Variants in DCST2 observed in about 807,000 individuals in gnomAD.
The protein encoded by DCST2 is DC-STAMP domain containing 2.
Under a neutral mutation model 81.8 loss-of-function variants are expected in DCST2, and 64 were observed. That is an observed-to-expected ratio of 0.78 (90% CI 0.64 to 0.96). DCST2 has a LOEUF of 0.96. DCST2 is among the 40% of genes least tolerant of loss of function. The pLI, the probability that DCST2 is intolerant of heterozygous loss-of-function variation, is 0.00. For missense variants in DCST2, 945 were observed against 1,001.4 expected (o/e 0.94, Z 0.76); for synonymous variants, 354 against 402.6 (o/e 0.88, Z 1.44).
chr1:155,026,558 G>A lies in DCST2; in HGVS notation c.1500C>T (p.Tyr500=). ...LRPSEPDSTG[Y]IVIGVMYGLC... ...GGGTGTAGTTGATACCAATGACTATGTAGCCAGTGCTGTCAGGCTCCGAGG... is the reference window on the plus strand; with the variant it reads ...GGGTGTAGTTGATACCAATGACTATATAGCCAGTGCTGTCAGGCTCCGAGG... The change falls in exon 9 of 15, where the codon TAC becomes TAT. Residue 500 remains tyrosine (Y), a synonymous_variant. Transcript: ENST00000368424. The A allele has an allele frequency of 6.2e-7, 1 of 1,614,172 alleles. No homozygotes were observed. Among genetic ancestry groups the A allele is most frequent in the East Asian group, 2.2e-5 (1 of 44,892 alleles).
At chr1:155,022,795 T>A (rs1659789062) in intron 14 of DCST2, among the ~76,000 whole-genome samples, 1 of 152,148 alleles carries the variant, frequency 6.6e-6, no homozygotes, top group South Asian at 2.1e-4. Context: ...ACCTCTTCTA[T>A]GAAGCCTTCA....
chr1:155,030,303 G>C (rs1660034920), intron 6 of DCST2, 62 bp from the exon 7 acceptor site: 1 of 1,606,288 alleles, frequency 6.2e-7, no homozygotes, highest in Admixed American at 1.7e-5. Flanking sequence ...ACCCCACAGG[G>C]CATCCGCGCT....
At chr1:155,033,336 T>C in intron 1 of DCST2, 72 bp from the exon 2 acceptor site, 1 of 1,584,608 alleles carries the variant, frequency 6.3e-7, no homozygotes, top group Non-Finnish European at 8.6e-7. Flanking sequence ...ACATAAGCCT[T>C]CAGAATATTT....
chr1:155,021,451 A>G lies in DCST2; in HGVS notation c.2105+1666T>C, dbSNP rs564819286. On this transcript the variant is annotated intron_variant, in intron 14 of 14. Coordinates refer to ENST00000368424, the MANE Select transcript of DCST2 (RefSeq NM_144622.3). ...TGTGCCCATCCCCCTACTTGATTTCATATGTTTGGCTCTCCTGCTTTCTTG... is the reference window on the plus strand; with the variant it reads ...TGTGCCCATCCCCCTACTTGATTTCGTATGTTTGGCTCTCCTGCTTTCTTG... 2.6e-5 allele frequency among the ~76,000 whole-genome samples: 4 copies of G among 151,764 alleles called. No homozygotes were observed. The South Asian group carries it at 8.3e-4, about 31-fold the overall frequency.
intron 10 of DCST2, among the ~76,000 whole-genome samples, chr1:155,025,866 T>C (rs771595373): frequency 2.6e-5 from 4 of 151,874 alleles, no homozygotes; most frequent in African/African-American, 7.3e-5. Flanking sequence ...TTTTCTTTTT[T>C]TTTCTTTCTT....
At position 155,030,190 on chromosome 1, in the gene DCST2, G is replaced by C. The variant is rs1403255101; in HGVS notation, c.1071C>G (p.Ile357Met). 3 of 1,614,054 alleles carry C rather than the reference G, an allele frequency of 1.9e-6. No homozygotes were observed. In the Admixed American group the frequency reaches 5.0e-5, roughly 27 times the overall value. Reference sequence around the variant, plus strand: ...TGCGCAGGAATCGGCTAGTGATGTAGATATTGTCATAATGGTCCCAGTTCA... The same window carrying C: ...TGCGCAGGAATCGGCTAGTGATGTACATATTGTCATAATGGTCCCAGTTCA... The part of the protein sequence containing the change: ...CYLNWDHYDN[I>M]YITSRFLRME... The change falls in exon 7 of 15, where the codon ATC (isoleucine) becomes ATG (methionine). Residue 357 changes from isoleucine to methionine, a missense_variant. Transcript: ENST00000368424.
chr1:155,021,497 C>T (rs115645567), intron 14 of DCST2, among the ~76,000 whole-genome samples: 6,875 of 151,886 alleles, frequency 0.045, 229 homozygotes, highest in Non-Finnish European at 0.066. Context: ...CTCCCTGTCC[C>T]CTCCCACTCT....
At position 155,026,657 on chromosome 1, in the gene DCST2, A is replaced by G. The variant is rs1226900278; in HGVS notation, c.1401T>C (p.Arg467=). The part of the protein sequence containing the change: ...EGTGYAGNIY[R]DLVSAFDVLQ... ...GGACATCAAATGCTGACACCAGGTCACGATAAATATTCCCAGCGTAGCCAG... is the reference window on the plus strand; with the variant it reads ...GGACATCAAATGCTGACACCAGGTCGCGATAAATATTCCCAGCGTAGCCAG... Residue 467 remains arginine (R), a synonymous_variant, in exon 9 of 15, where the codon CGT becomes CGC. Transcript: ENST00000368424. 6.2e-7 allele frequency: 1 copy of G among 1,614,120 alleles called. No individual in the cohort carries two copies. Among genetic ancestry groups the G allele is most frequent in the Non-Finnish European group, 8.5e-7 (1 of 1,180,058 alleles).
chr1:155,025,193 G>A (rs545750662), intron 10 of DCST2, among the ~76,000 whole-genome samples: 122 of 151,394 alleles, frequency 8.1e-4, no homozygotes, highest in African/African-American at 2.7e-3. Flanking sequence ...GGCCTGCCTC[G>A]AATCTGTGAG....
At chr1:155,024,062 TGC>T in intron 11 of DCST2, 103 bp from the exon 12 acceptor site, 1 of 1,456,094 alleles carries the variant, frequency 6.9e-7, no homozygotes, top group Non-Finnish European at 9.2e-7. Flanking sequence ...CCTGACTTCC[TGC>T]AGTACATCCT....
In DCST2 at chr1:155,029,258, C is replaced by G. The variant is rs1381079127; in HGVS notation, c.1317G>C (p.Gln439His). ...VFWVLDLARH[Q>H]LQGEIVARSP... ...TGCGGGCCACAATCTCCCCCTGCAG[C>G]TGGTGCCGGGCCAGGTCAAGCACCC... is the stretch of plus-strand genomic sequence containing the variant. The change falls in exon 8 of 15, where the codon CAG becomes CAC. Residue 439 changes from glutamine to histidine, a missense_variant. Physicochemically the swap from Gln to His is conservative, Grantham distance 24 (BLOSUM62 0). Coordinates refer to ENST00000368424, the MANE Select transcript of DCST2 (RefSeq NM_144622.3). 14 of 1,613,706 alleles carry G rather than the reference C, an allele frequency of 8.7e-6. No homozygotes were observed. The Admixed American group carries it at 1.0e-4, about 12-fold the overall frequency.
chr1:155,030,643 C>G lies in DCST2; in HGVS notation c.808G>C (p.Val270Leu). The change falls in exon 6 of 15, where the codon GTG (valine) becomes CTG (leucine). Residue 270 changes from valine (V) to leucine (L), a missense_variant and splice_region_variant. Coordinates refer to ENST00000368424, the MANE Select transcript of DCST2 (RefSeq NM_144622.3). ...CGCACCCGGTTGAGCAACTGAATCA[C>G]GGCTGGGGCCAGCAGGTTCAGGGGA... Reference protein sequence around the residue: ...PFLRQTIGTPVIQLLNRVRQE... With the variant: ...PFLRQTIGTPLIQLLNRVRQE... 1 of 1,613,966 alleles carries G rather than the reference C, an allele frequency of 6.2e-7. No individual in the cohort carries two copies. The highest frequency in any genetic ancestry group is 8.5e-7 in the Non-Finnish European group (1 of 1,179,990).
At chr1:155,033,036 C>A in intron 2 of DCST2, 58 bp downstream of exon 2, 1 of 1,469,548 alleles carries the variant, frequency 6.8e-7, no homozygotes, top group Admixed American at 2.5e-5. Context: ...GTAGAACATG[C>A]AGGATGAGGG....
rs151106057 is a variant in DCST2, at chr1:155,023,496, C to T, written c.1871-39G>A. On this transcript the variant is annotated intron_variant, in intron 12 of 14. Coordinates refer to ENST00000368424, the MANE Select transcript of DCST2 (RefSeq NM_144622.3). Reference sequence around the variant, plus strand: ...TGGGGAATGGAGGTGAACCCGAGTTCACCCACCCACCCTCTGTGCTTCCTG... The same window carrying T: ...TGGGGAATGGAGGTGAACCCGAGTTTACCCACCCACCCTCTGTGCTTCCTG... 2.5e-3 allele frequency: 3,961 copies of T among 1,555,144 alleles called. 91 individuals are homozygous for T. In the African/African-American group the frequency reaches 0.047, roughly 19 times the overall value.
At chr1:155,018,976 CA>C (rs1188401806) in intron 14 of DCST2, among the ~76,000 whole-genome samples, 3 of 152,154 alleles carry the variant, frequency 2.0e-5, no homozygotes, top group African/African-American at 7.2e-5. Flanking sequence ...TGCCTGAGGC[CA>C]CATGGCTAGG....
rs1450414188 is a variant in DCST2 at position 155,026,686 on chromosome 1, C to T, written c.1372G>A (p.Gly458Ser). Reference sequence around the variant, plus strand: ...TAAATATTCCCAGCGTAGCCAGTACCTTCCACGGTTAGAGACACCAACACA... The same window carrying T: ...TAAATATTCCCAGCGTAGCCAGTACTTTCCACGGTTAGAGACACCAACACA... ...SPVLVSLTVEGTGYAGNIYRD... is the reference protein window; with the variant it reads ...SPVLVSLTVESTGYAGNIYRD... The change falls in exon 9 of 15, where the codon GGT becomes AGT. Residue 458 changes from glycine to serine, a missense_variant. Coordinates refer to ENST00000368424, the MANE Select transcript of DCST2 (RefSeq NM_144622.3). 1 of 1,614,106 alleles carries T rather than the reference C, an allele frequency of 6.2e-7. No homozygotes were observed. The highest frequency in any genetic ancestry group is 1.3e-5 in the African/African-American group (1 of 74,950).
Position 155,018,849 on chromosome 1 carries a change from G to C in DCST2, c.2106-89C>G, listed in dbSNP as rs140309121. 4.2e-5 allele frequency: 55 copies of C among 1,317,280 alleles called. No individual in the cohort carries two copies. The East Asian group carries it at 1.4e-3, about 32-fold the overall frequency. 81.6% of individuals were successfully genotyped at this position (1,317,280 alleles called of 1,614,324 possible). On this transcript the variant is annotated intron_variant, in intron 14 of 14. Coordinates refer to ENST00000368424, the MANE Select transcript of DCST2 (RefSeq NM_144622.3). Reference sequence around the variant, plus strand: ...CCCCCTGCCCTGCCCCATCTGTTCAGATCCAGCTCCTGTTCTTTCTGAGCA... The same window carrying C: ...CCCCCTGCCCTGCCCCATCTGTTCACATCCAGCTCCTGTTCTTTCTGAGCA...
intron 2 of DCST2, 112 bp downstream of exon 2, chr1:155,032,982 G>C: frequency 1.6e-6 from 2 of 1,273,958 alleles, no homozygotes; most frequent in Non-Finnish European, 1.1e-6. Flanking sequence ...TCCAGGCCCA[G>C]ATGCTCCGCG....
chr1:155,032,520 T>C lies in DCST2; in HGVS notation c.541+147A>G, dbSNP rs1450947618. The C allele has an allele frequency of 6.8e-6, 4 of 586,096 alleles. No individual in the cohort carries two copies. In the Admixed American group the frequency reaches 1.2e-4, roughly 18 times the overall value. 36.3% of individuals were successfully genotyped at this position (586,096 alleles called of 1,614,324 possible). A position where few individuals can be genotyped will look rare whatever the true frequency, so the allele number is the denominator to read the frequency against. ...TTTATAGAGACAGGGTCTCGCCATG[T>C]TGCCAAGGCTGGTCTCAAACTCCTG... On this transcript the variant is annotated intron_variant, in intron 3 of 14. Transcript: ENST00000368424.
Sources: allele counts gnomAD v4.1 joint callset (sites outside exome capture counted in the v4.1 genomes callset), GRCh38; gene constraint gnomAD v4.1.1; transcripts MANE v1.5; gene names NCBI Gene and HGNC (gene_info 2026-07-23, HGNC 2026-07-21).